OR51B5: variants seen among roughly 807,000 people sequenced by gnomAD.
The protein encoded by OR51B5 is olfactory receptor 51B5.
For missense variants in OR51B5, 456 were observed against 374.6 expected, an observed-to-expected ratio of 1.22 and a Z score of -1.79; for synonymous variants, 186 against 144.8, an observed-to-expected ratio of 1.28 and a Z score of -2.04.
At chr11:5,417,400 T>A (rs1340061168) in intron 1 of OR51B5, among the ~76,000 whole-genome samples, 1 of 152,028 alleles carries the variant, frequency 6.6e-6, no homozygotes, top group Non-Finnish European at 1.5e-5. Flanking sequence ...CCAAAAGCAA[T>A]GGCAATAAAA....
rs80211992 is a variant in OR51B5, at chr11:5,475,932, G to T, written n.84+29637C>A. ...TGCCATTGTATCTAGATCCATAGCAGCCTCACAGTACCATCTTGTAGCATG... is the reference window on the plus strand; with the variant it reads ...TGCCATTGTATCTAGATCCATAGCATCCTCACAGTACCATCTTGTAGCATG... On this transcript the variant is annotated intron_variant and non_coding_transcript_variant, in intron 1 of 4. Coordinates refer to the OR51B5 transcript ENST00000415970. Among the ~76,000 whole-genome samples the T allele has an allele frequency of 3.9e-5, 6 of 152,280 alleles. No individual in the cohort carries two copies. The East Asian group carries it at 1.2e-3, about 29-fold the overall frequency.
At chr11:5,419,987 A>G (rs1850306654) in intron 1 of OR51B5, among the ~76,000 whole-genome samples, 1 of 149,264 alleles carries the variant, frequency 6.7e-6, no homozygotes, top group Non-Finnish European at 1.5e-5. Flanking sequence ...TGCTTAATAG[A>G]AACATAAGCT....
chr11:5,397,935 GCAAA>G (rs200179035), intron 1 of OR51B5, among the ~76,000 whole-genome samples: 23,773 of 150,998 alleles, frequency 0.16, 2,224 homozygotes, highest in African/African-American at 0.28. Context: ...ATCATTCTCA[GCAAA>G]CTATCACAAG....
At chr11:5,360,396 A>T (rs1202241751) in intron 1 of OR51B5, among the ~76,000 whole-genome samples, 1 of 151,968 alleles carries the variant, frequency 6.6e-6, no homozygotes, top group Non-Finnish European at 1.5e-5. Flanking sequence ...AAAAATGCTC[A>T]TCATCACTGG....
At chr11:5,485,747 A>G (rs947382223) in intron 1 of OR51B5, among the ~76,000 whole-genome samples, 1 of 151,936 alleles carries the variant, frequency 6.6e-6, no homozygotes, top group African/African-American at 2.4e-5. Flanking sequence ...AGCTCTTTTG[A>G]CTCAAGGCTT....
At chr11:5,363,718 C>G (rs1219964907) in intron 1 of OR51B5, among the ~76,000 whole-genome samples, 2 of 152,310 alleles carry the variant, frequency 1.3e-5, no homozygotes, top group East Asian at 3.9e-4. Flanking sequence ...TTGTGAAGGT[C>G]TTTCCATCAT....
intron 1 of OR51B5, among the ~76,000 whole-genome samples, chr11:5,418,874 T>A (rs898976952): frequency 2.6e-4 from 6 of 23,414 alleles, no homozygotes; most frequent in Non-Finnish European, 2.9e-4. Flanking sequence ...ACTTGAAGTA[T>A]TATAAAAAAA....
chr11:5,354,813 A>AT, intron 1 of OR51B5: 1 of 200,542 alleles, frequency 5.0e-6, no homozygotes, highest in Admixed American at 5.9e-5. Flanking sequence ...AGTTTGAAGA[A>AT]TATGTCCAGA....
At chr11:5,350,595 A>C (rs566417729) in intron 1 of OR51B5, among the ~76,000 whole-genome samples, 2 of 152,274 alleles carry the variant, frequency 1.3e-5, no homozygotes, top group South Asian at 4.1e-4. Flanking sequence ...AGTTTTAAAA[A>C]AAAAATTCTC....
rs752823825 is a variant in OR51B5 at position 5,422,324 on chromosome 11, A to G, written n.85-75414T>C. 19 of 1,613,854 alleles carry G rather than the reference A, an allele frequency of 1.2e-5. 1 individual carries two copies. The highest frequency in any genetic ancestry group is 1.7e-5 in the Admixed American group (1 of 59,976). ...CTGCTGTCTCTACACCATCTCCATC[A>G]TGGGCAATACCACCATCCTCACTGT... On this transcript the variant is annotated intron_variant and non_coding_transcript_variant, in intron 1 of 4. Coordinates refer to the OR51B5 transcript ENST00000415970.
At chr11:5,429,673 A>C (rs2133767257) in intron 1 of OR51B5, among the ~76,000 whole-genome samples, 2 of 152,256 alleles carry the variant, frequency 1.3e-5, no homozygotes, top group Middle Eastern at 3.4e-3. Flanking sequence ...TATGGGGCTG[A>C]GGAAGGGGCA....
intron 1 of OR51B5, chr11:5,390,236 GC>G: frequency 6.2e-7 from 1 of 1,613,952 alleles, no homozygotes. Context: ...TGGGAAGCAT[GC>G]CCCACCTGCT....
intron 1 of OR51B5, chr11:5,389,985 T>A: frequency 1.2e-6 from 2 of 1,612,716 alleles, no homozygotes; most frequent in African/African-American, 1.3e-5. Context: ...CACCAGGAAG[T>A]GATACAGCTG....
At chr11:5,441,529 G>C (rs750615169) in intron 1 of OR51B5, 4 of 1,594,032 alleles carry the variant, frequency 2.5e-6, no homozygotes, top group Non-Finnish European at 2.6e-6. Flanking sequence ...GGAGAATATA[G>C]ATAGGGAATG....
chr11:5,380,232 C>T (rs888187751), intron 1 of OR51B5, among the ~76,000 whole-genome samples: 6 of 152,154 alleles, frequency 3.9e-5, no homozygotes, highest in East Asian at 1.9e-4. Context: ...GATGTGGAGA[C>T]TTCTCTGTAA....
intron 1 of OR51B5, among the ~76,000 whole-genome samples, chr11:5,374,020 C>A (rs1043817949): frequency 2.0e-5 from 3 of 152,220 alleles, no homozygotes; most frequent in Non-Finnish European, 2.9e-5. Flanking sequence ...AACGGGCAGA[C>A]TGCCTCCTCA....
intron 1 of OR51B5, chr11:5,505,464 T>C (rs1254439577): frequency 7.7e-7 from 1 of 1,299,916 alleles, no homozygotes; most frequent in Non-Finnish European, 1.0e-6. Flanking sequence ...TAATGGGGAG[T>C]GGAGTGAGGG....
Position 5,453,664 on chromosome 11 carries a change from T to C in OR51B5, n.84+51905A>G, listed in dbSNP as rs74049540. The C allele has an allele frequency of 9.3e-3, 15,081 of 1,613,466 alleles. 1,217 individuals are homozygous for C. In the African/African-American group the frequency reaches 0.17, roughly 19 times the overall value. On this transcript the variant is annotated intron_variant and non_coding_transcript_variant, in intron 1 of 4. Transcript: ENST00000415970. ...GTGGAGCCCAGCCTCCATGAGCCCA[T>C]GTACTACTTCCTGTCCATGTTGTCC...
At chr11:5,353,790 T>C (rs1338635417) in intron 1 of OR51B5, among the ~76,000 whole-genome samples, 1 of 152,264 alleles carries the variant, frequency 6.6e-6, no homozygotes, top group Non-Finnish European at 1.5e-5. Context: ...CAGTGATCTA[T>C]GGCTGCCCAC....
Sources: gnomAD v4.1 joint callset for allele counts (sites outside exome capture counted in the v4.1 genomes callset) on GRCh38, gnomAD v4.1.1 for gene constraint, MANE v1.5 for transcripts, NCBI Gene and HGNC (gene_info 2026-07-23, HGNC 2026-07-21) for gene names.